The following CTRC variants were observed in gnomAD, a reference collection of about 807,000 sequenced individuals.
CTRC encodes the protein chymotrypsin C, also known as chymotrypsin-C.
Under a neutral mutation model 35.7 loss-of-function variants are expected in CTRC, and 32 were observed. The ratio of observed to expected loss-of-function variants is 0.90; its 90% CI spans 0.68 to 1.20. The LOEUF (loss-of-function observed/expected upper bound fraction) is 1.20, where lower values mean the gene tolerates loss of function less well. Ranked by LOEUF, CTRC falls within the 50% of genes most tolerant of loss-of-function variation. The pLI, the probability that CTRC is intolerant of heterozygous loss-of-function variation, is 0.00. For synonymous variants in CTRC, 119 were observed against 149.5 expected, an observed-to-expected ratio of 0.80 and a Z score of 1.49; for missense variants, 324 against 361.5, an observed-to-expected ratio of 0.90 and a Z score of 0.84.
chr1:15,443,381 C>T, intron 4 of CTRC, 38 bp from the exon 5 acceptor site: 4 of 1,613,946 alleles, frequency 2.5e-6, no homozygotes, highest in Middle Eastern at 3.3e-4. Context: ...GGGGCCAGGG[C>T]CCTCCTGCCC....
At chr1:15,445,533 C>T in intron 6 of CTRC, 64 bp from the exon 7 acceptor site, 1 of 1,571,938 alleles carries the variant, frequency 6.4e-7, no homozygotes, top group Non-Finnish European at 8.7e-7. Context: ...CCAACCCAGT[C>T]CTGCTTCCCA....
At position 15,444,661 on chromosome 1, in the gene CTRC, C is replaced by A; in HGVS notation, c.549C>A (p.His183Gln). The A allele has an allele frequency of 1.2e-6, 2 of 1,614,170 alleles. No individual in the cohort carries two copies. Among genetic ancestry groups the A allele is most frequent in the Non-Finnish European group, 1.7e-6 (2 of 1,180,028 alleles). ...LQQGLQPVVD[H>Q]ATCSRIDWWG... is the part of the protein sequence containing the mutation. ...AGGGCCTGCAGCCCGTGGTGGATCA[C>A]GCCACGTGCTCCAGGATTGACTGGT... is the stretch of plus-strand genomic sequence containing the variant. The change falls in exon 6 of 8, where the codon CAC becomes CAA. Residue 183 changes from histidine to glutamine, a missense_variant. His to Gln is a conservative substitution (Grantham distance 24). Transcript: ENST00000375949.
rs546645454 is a variant in CTRC at position 15,449,086 on chromosome 1, G to A, written c.*2497G>A. The A allele has an allele frequency of 6.6e-6, 1 of 152,272 alleles. No homozygotes were observed. The highest frequency in any genetic ancestry group is 2.1e-4 in the South Asian group (1 of 4,820). The allele number at this position is 152,272 out of a possible 1,614,324, so 9.4% of individuals were successfully genotyped here. ...AGAAAACTGAGGCCAGACAGGGTTAGTGACTTCCCAATGTGTGAACTAGAA... is the reference window on the plus strand; with the variant it reads ...AGAAAACTGAGGCCAGACAGGGTTAATGACTTCCCAATGTGTGAACTAGAA... On this transcript the variant is annotated 3_prime_UTR_variant, in exon 8 of 8. Coordinates refer to ENST00000375949, the MANE Select transcript of CTRC (RefSeq NM_007272.3).
chr1:15,440,684 A>T lies in CTRC; in HGVS notation c.230+94A>T, dbSNP rs1017712066. ...TGAGCAGCTTCTCCGCACTCCAGGC[A>T]CTGGGCTACATAATCTACTCACACC... On this transcript the variant is annotated intron_variant, in intron 3 of 7. Coordinates refer to ENST00000375949, the MANE Select transcript of CTRC (RefSeq NM_007272.3). 4.6e-6 allele frequency: 5 copies of T among 1,080,910 alleles called. 1 individual carries two copies. The highest frequency in any genetic ancestry group is 2.2e-4 in the Middle Eastern group (1 of 4,600). The allele number at this position is 1,080,910 out of a possible 1,614,324, so 67.0% of individuals were successfully genotyped here.
intron 3 of CTRC, among the ~76,000 whole-genome samples, chr1:15,441,236 G>A (rs1429029851): frequency 6.6e-6 from 1 of 152,140 alleles, no homozygotes; most frequent in Non-Finnish European, 1.5e-5. Context: ...GAGGGGTTCA[G>A]TTTTAAAAGG....
chr1:15,441,392 G>A (rs934040540), intron 3 of CTRC, among the ~76,000 whole-genome samples: 1 of 152,108 alleles, frequency 6.6e-6, no homozygotes, highest in African/African-American at 2.4e-5. Flanking sequence ...CAGGCGGAGG[G>A]AACAGCCATG....
At chr1:15,444,109 A>C (rs1220308975) in intron 5 of CTRC, among the ~76,000 whole-genome samples, 2 of 152,056 alleles carry the variant, frequency 1.3e-5, no homozygotes, top group Non-Finnish European at 2.9e-5. Flanking sequence ...ATTTTTAAAT[A>C]GCAGTGTATG....
chr1:15,438,810 A>G (rs537865387), intron 1 of CTRC, among the ~76,000 whole-genome samples: 1 of 152,288 alleles, frequency 6.6e-6, no homozygotes, highest in African/African-American at 2.4e-5. Context: ...CCCAGGGACC[A>G]TCGGGGTCTG....
At chr1:15,445,818 T>G (rs1708209578) in intron 7 of CTRC, 69 bp downstream of exon 7, 2 of 1,543,194 alleles carry the variant, frequency 1.3e-6, no homozygotes, top group Admixed American at 3.3e-5. Context: ...ATCCCCTCAC[T>G]CATTCACTCA....
rs1371917290 is a variant in CTRC, at chr1:15,446,487, C to T, written c.793-88C>T. Reference sequence around the variant, plus strand: ...AGGCCGGGGGCTGCTGGCCATGCCCCCATGGACCCACCCTCCGGGCAGAGC... The same window carrying T: ...AGGCCGGGGGCTGCTGGCCATGCCCTCATGGACCCACCCTCCGGGCAGAGC... On this transcript the variant is annotated intron_variant, in intron 7 of 7. Coordinates refer to ENST00000375949, the MANE Select transcript of CTRC (RefSeq NM_007272.3). 5 of 1,379,378 alleles carry T rather than the reference C, an allele frequency of 3.6e-6. No homozygotes were observed. In the East Asian group the frequency reaches 1.1e-4, roughly 32 times the overall value. The allele number at this position is 1,379,378 out of a possible 1,614,324, so 85.4% of individuals were successfully genotyped here.
Position 15,446,814 on chromosome 1 carries a change from A to G in CTRC, c.*225A>G. ...GGCCGGGAGAGAGGGCCAAGGAAGG[A>G]GCCTCCTGGGGCATTAATGGGAGGC... On this transcript the variant is annotated 3_prime_UTR_variant, in exon 8 of 8. Transcript: ENST00000375949. 1.6e-6 allele frequency: 1 copy of G among 644,624 alleles called. No homozygotes were observed. Among genetic ancestry groups the G allele is most frequent in the Non-Finnish European group, 2.8e-6 (1 of 357,614 alleles). 39.9% of individuals were successfully genotyped at this position (644,624 alleles called of 1,614,324 possible). A position where few individuals can be genotyped will look rare whatever the true frequency, so the allele number is the denominator to read the frequency against.
intron 1 of CTRC, 127 bp from the exon 2 acceptor site, chr1:15,440,173 G>A: frequency 1.1e-6 from 1 of 876,724 alleles, no homozygotes; most frequent in Non-Finnish European, 1.9e-6. Context: ...CCGTGACACA[G>A]TAAAATATCA....
At chr1:15,446,437 G>A (rs1338665642) in intron 7 of CTRC, 138 bp from the exon 8 acceptor site, 2 of 846,292 alleles carry the variant, frequency 2.4e-6, no homozygotes. Context: ...CAGACCCCTT[G>A]AACAGGGACA....
At position 15,442,553 on chromosome 1, in the gene CTRC, T is replaced by C. The variant is rs1354218892; in HGVS notation, c.337T>C (p.Trp113Arg). 1 of 1,613,906 alleles carries C rather than the reference T, an allele frequency of 6.2e-7. No individual in the cohort carries two copies. The highest frequency in any genetic ancestry group is 8.5e-7 in the Non-Finnish European group (1 of 1,179,956). The change falls in exon 4 of 8, where the codon TGG becomes CGG. Residue 113 changes from tryptophan to arginine, a missense_variant. Trp to Arg is a moderately radical substitution (Grantham distance 101, BLOSUM62 -3). Coordinates refer to ENST00000375949, the MANE Select transcript of CTRC (RefSeq NM_007272.3). ...GVDTIHVHKR[W>R]NALLLRNDIA... is the part of the protein sequence containing the mutation. Reference sequence around the variant, plus strand: ...GGACACCATCCACGTCCACAAGAGATGGAATGCCCTCCTGTTGCGGTGAGT... The same window carrying C: ...GGACACCATCCACGTCCACAAGAGACGGAATGCCCTCCTGTTGCGGTGAGT...
rs747499250 is a variant in CTRC, at chr1:15,446,599, G to A, written c.*10G>A. 1.9e-6 allele frequency: 3 copies of A among 1,614,226 alleles called. No homozygotes were observed. The South Asian group carries it at 3.3e-5, about 18-fold the overall frequency. On this transcript the variant is annotated 3_prime_UTR_variant, in exon 8 of 8. Coordinates refer to ENST00000375949, the MANE Select transcript of CTRC (RefSeq NM_007272.3). ...GAAAATGCAGCTGTGATTTGTTGCT[G>A]GGAGCGGCGGCAGCGAGTCCCTGCA... is the stretch of plus-strand genomic sequence containing the variant.
chr1:15,438,589 C>T, intron 1 of CTRC, 85 bp downstream of exon 1: 2 of 1,469,774 alleles, frequency 1.4e-6, no homozygotes, highest in Non-Finnish European at 1.9e-6. Flanking sequence ...AGTGGGGGGG[C>T]CTCTGCTCTC....
At position 15,441,912 on chromosome 1, in the gene CTRC, T is replaced by C. The variant is rs1708138818; in HGVS notation, c.231-535T>C. On this transcript the variant is annotated intron_variant, in intron 3 of 7. Coordinates refer to ENST00000375949, the MANE Select transcript of CTRC (RefSeq NM_007272.3). ...AGAAGCCCAAACCTCACCATAAGTT[T>C]TCTATTTTTTGTAGAGATGGGGATT... Among the ~76,000 whole-genome samples the C allele has an allele frequency of 2.0e-5, 3 of 152,082 alleles. No individual in the cohort carries two copies. The South Asian group carries it at 6.2e-4, about 32-fold the overall frequency.
chr1:15,442,556 A>T lies in CTRC; in HGVS notation c.340A>T (p.Asn114Tyr), dbSNP rs1197813857. The change falls in exon 4 of 8, where the codon AAT (asparagine) becomes TAT (tyrosine). Residue 114 changes from asparagine (N) to tyrosine (Y), a missense_variant. Asn to Tyr is a moderately radical substitution (Grantham distance 143, BLOSUM62 -2). Coordinates refer to ENST00000375949, the MANE Select transcript of CTRC (RefSeq NM_007272.3). ...CACCATCCACGTCCACAAGAGATGG[A>T]ATGCCCTCCTGTTGCGGTGAGTGAC... is the stretch of plus-strand genomic sequence containing the variant. Reference protein sequence around the residue: ...VDTIHVHKRWNALLLRNDIAL... With the variant: ...VDTIHVHKRWYALLLRNDIAL... 1 of 1,614,074 alleles carries T rather than the reference A, an allele frequency of 6.2e-7. No homozygotes were observed. Among genetic ancestry groups the T allele is most frequent in the Non-Finnish European group, 8.5e-7 (1 of 1,179,964 alleles).
intron 1 of CTRC, among the ~76,000 whole-genome samples, chr1:15,439,587 A>G (rs1005019444): frequency 6.6e-6 from 1 of 152,152 alleles, no homozygotes; most frequent in African/African-American, 2.4e-5. Flanking sequence ...TGTCTCGCGG[A>G]ACAGCACGTG....
Sources: gnomAD v4.1 joint callset for allele counts (sites outside exome capture counted in the v4.1 genomes callset) on GRCh38, gnomAD v4.1.1 for gene constraint, MANE v1.5 for transcripts, NCBI Gene and HGNC (gene_info 2026-07-23, HGNC 2026-07-21) for gene names.